KAZN: variants seen among roughly 807,000 people sequenced by gnomAD.
KAZN encodes the protein kazrin.
KAZN carries 40 observed loss-of-function variants against 87.4 expected under a neutral mutation model. That is an observed-to-expected ratio of 0.46 (90% CI 0.36 to 0.60). The LOEUF is 0.60. Among genes scored for constraint, KAZN ranks in the 20% least tolerant of loss-of-function variants. The pLI is 0.00. For synonymous variants in KAZN, 466 were observed against 458.3 expected, an observed-to-expected ratio of 1.02 and a Z score of -0.22; for missense variants, 898 against 1,073.9, an observed-to-expected ratio of 0.84 and a Z score of 2.29.
At chr1:14,922,791 CAAAAAAAAA>C (rs35903866) in intron 1 of KAZN, among the ~76,000 whole-genome samples, 3 of 75,572 alleles carry the variant, frequency 4.0e-5, no homozygotes, top group Admixed American at 1.5e-4. Context: ...GACTCTGTCT[CAAAAAAAAA>C]AAAAAAAAAA....
At chr1:14,671,614 T>A (rs776502386) in intron 1 of KAZN, among the ~76,000 whole-genome samples, 4 of 152,202 alleles carry the variant, frequency 2.6e-5, no homozygotes, top group Non-Finnish European at 5.9e-5. Context: ...GCAGTAGAAT[T>A]TCCCCCCGTG....
intron 2 of KAZN, among the ~76,000 whole-genome samples, chr1:15,000,037 G>T (rs1336944480): frequency 6.6e-6 from 1 of 152,200 alleles, no homozygotes; most frequent in East Asian, 1.9e-4. Flanking sequence ...TTGCAGCTGT[G>T]ACGGAGGATC....
At chr1:14,606,652 G>A (rs1677389397) in intron 1 of KAZN, among the ~76,000 whole-genome samples, 2 of 151,978 alleles carry the variant, frequency 1.3e-5, no homozygotes, top group South Asian at 4.2e-4. Flanking sequence ...GTAGCCTCTA[G>A]CACCCCAAGA....
At chr1:13,923,731 G>A (rs1640162003) in intron 1 of KAZN, among the ~76,000 whole-genome samples, 3 of 151,612 alleles carry the variant, frequency 2.0e-5, no homozygotes, top group Admixed American at 6.6e-5. Context: ...GGCAGAAGAA[G>A]TGGTGGAGGT....
In KAZN at chr1:13,987,454, T is replaced by C. The variant is rs75621228; in HGVS notation, c.91+93698T>C. Among the ~76,000 whole-genome samples, 509 of 152,320 alleles carry C rather than the reference T, an allele frequency of 3.3e-3. 3 individuals are homozygous for C. The highest frequency in any genetic ancestry group is 0.012 in the African/African-American group (488 of 41,574). On this transcript the variant is annotated intron_variant, in intron 1 of 16. Transcript: ENST00000636203. Reference sequence around the variant, plus strand: ...TTCTGTTCTGCAGGAGGGACTTTTGTACCTTGTAATCTAGATTGCAATGTC... The same window carrying C: ...TTCTGTTCTGCAGGAGGGACTTTTGCACCTTGTAATCTAGATTGCAATGTC...
At chr1:14,491,442 T>A (rs1571781043) in intron 2 of KAZN, among the ~76,000 whole-genome samples, 1 of 152,172 alleles carries the variant, frequency 6.6e-6, no homozygotes, top group Non-Finnish European at 1.5e-5. Flanking sequence ...CCTAATGCTA[T>A]CCCTCCCCTA....
chr1:14,398,428 C>T (rs1041355946), intron 2 of KAZN, among the ~76,000 whole-genome samples: 2 of 152,196 alleles, frequency 1.3e-5, no homozygotes, highest in African/African-American at 4.8e-5. Flanking sequence ...TTGTGAGGAT[C>T]GAATGGGTTA....
chr1:13,909,694 TGAA>T (rs768529809), intron 1 of KAZN, among the ~76,000 whole-genome samples: 1 of 152,208 alleles, frequency 6.6e-6, no homozygotes, highest in Non-Finnish European at 1.5e-5. Flanking sequence ...CTTCTTATGA[TGAA>T]GGCCTGGTTT....
At chr1:14,767,007 G>C (rs535100281) in intron 1 of KAZN, among the ~76,000 whole-genome samples, 1 of 152,228 alleles carries the variant, frequency 6.6e-6, no homozygotes, top group African/African-American at 2.4e-5. Context: ...ATGGATGTCA[G>C]AGAAGGCTTC....
chr1:15,097,243 T>A (rs1301514530), intron 10 of KAZN, among the ~76,000 whole-genome samples: 1 of 152,166 alleles, frequency 6.6e-6, no homozygotes, highest in Non-Finnish European at 1.5e-5. Flanking sequence ...AACTTTTCAC[T>A]GTGTTGGGTT....
intron 1 of KAZN, among the ~76,000 whole-genome samples, chr1:14,154,996 T>TCCTTCCTTCC (rs1553136611): frequency 8.7e-5 from 13 of 149,938 alleles, no homozygotes; most frequent in East Asian, 5.9e-4. Flanking sequence ...CTTCCTTCCT[T>TCCTTCCTTCC]TTTCTGATGT....
intron 2 of KAZN, among the ~76,000 whole-genome samples, chr1:14,552,845 A>G (rs1673626768): frequency 6.6e-6 from 1 of 152,162 alleles, no homozygotes; most frequent in African/African-American, 2.4e-5. Flanking sequence ...ATTAATTCAC[A>G]TGGTTCTGGG....
At chr1:14,926,169 C>T (rs985473363) in intron 1 of KAZN, among the ~76,000 whole-genome samples, 1 of 152,188 alleles carries the variant, frequency 6.6e-6, no homozygotes, top group African/African-American at 2.4e-5. Flanking sequence ...GCTCTCTGCT[C>T]CATCTCCACC....
intron 2 of KAZN, among the ~76,000 whole-genome samples, chr1:14,182,519 T>C (rs1186971142): frequency 6.6e-6 from 1 of 152,230 alleles, no homozygotes; most frequent in East Asian, 1.9e-4. Context: ...CCTCCGTTCC[T>C]TGCTGAAGTC....
chr1:14,867,853 A>G (rs1206945603), intron 1 of KAZN, among the ~76,000 whole-genome samples: 1 of 128,604 alleles, frequency 7.8e-6, no homozygotes, highest in African/African-American at 2.7e-5. Context: ...CCAGTGATGT[A>G]TATAAGGCTG....
chr1:14,288,205 G>T (rs1257095168), intron 2 of KAZN, among the ~76,000 whole-genome samples: 1 of 152,168 alleles, frequency 6.6e-6, no homozygotes, highest in Non-Finnish European at 1.5e-5. Flanking sequence ...AAATGAGTTA[G>T]GGAGGATTCC....
intron 8 of KAZN, among the ~76,000 whole-genome samples, chr1:15,088,206 G>A (rs1640357218): frequency 6.6e-6 from 1 of 152,240 alleles, no homozygotes; most frequent in African/African-American, 2.4e-5. Flanking sequence ...AAATGGGCAT[G>A]GCTGTGATCT....
intron 2 of KAZN, among the ~76,000 whole-genome samples, chr1:14,988,303 C>T (rs1667025077): frequency 6.6e-6 from 1 of 152,228 alleles, no homozygotes; most frequent in South Asian, 2.1e-4. Context: ...CGTCACAGAA[C>T]GCGCCCCTCC....
chr1:14,241,527 T>C (rs779108349), intron 2 of KAZN, among the ~76,000 whole-genome samples: 1 of 152,224 alleles, frequency 6.6e-6, no homozygotes, highest in Non-Finnish European at 1.5e-5. Context: ...ATAATAACAA[T>C]AGTTGTTAAT....
Sources: gnomAD v4.1 joint callset for allele counts (sites outside exome capture counted in the v4.1 genomes callset) on GRCh38, gnomAD v4.1.1 for gene constraint, MANE v1.5 for transcripts, NCBI Gene and HGNC (gene_info 2026-07-23, HGNC 2026-07-21) for gene names.